MTF1: variants seen among roughly 807,000 people sequenced by gnomAD.
MTF1 encodes the protein metal regulatory transcription factor 1.
MTF1 carries 22 observed loss-of-function variants against 70.4 expected under a neutral mutation model. The observed-to-expected ratio is 0.31, with a 90% CI of 0.22 to 0.45. MTF1 has a LOEUF of 0.45. MTF1 is among the 20% of genes least tolerant of loss of function. The pLI, the probability that MTF1 is intolerant of heterozygous loss-of-function variation, is 1.00. For missense variants in MTF1, 649 were observed against 922.0 expected (o/e 0.70, Z 3.83); for synonymous variants, 333 against 352.8 (o/e 0.94, Z 0.63).
rs1641322852 is a variant in MTF1, at chr1:37,845,787, T to C, written c.409-5629A>G. Among the ~76,000 whole-genome samples the C allele has an allele frequency of 3.3e-5, 5 of 152,302 alleles. No individual in the cohort carries two copies. In the South Asian group the frequency reaches 1.0e-3, roughly 32 times the overall value. ...TCCCAGAGTATTGGAATTACAGGTATGAGCCACCACACCCGGCCTGAAAAT... is the reference window on the plus strand; with the variant it reads ...TCCCAGAGTATTGGAATTACAGGTACGAGCCACCACACCCGGCCTGAAAAT... On this transcript the variant is annotated intron_variant, in intron 2 of 10. Transcript: ENST00000373036.
intron 7 of MTF1, among the ~76,000 whole-genome samples, chr1:37,824,184 T>A (rs549588649): frequency 3.0e-4 from 46 of 152,292 alleles, no homozygotes; most frequent in African/African-American, 1.0e-3. Flanking sequence ...ACACTATGAC[T>A]TGCCAGTTGA....
chr1:37,827,658 G>A (rs1228475484), intron 7 of MTF1, among the ~76,000 whole-genome samples: 7 of 151,854 alleles, frequency 4.6e-5, no homozygotes, highest in Non-Finnish European at 4.4e-5. Flanking sequence ...CACCCTCCTC[G>A]GCCTCCCAAA....
intron 2 of MTF1, among the ~76,000 whole-genome samples, chr1:37,849,580 T>C (rs1425094287): frequency 6.6e-6 from 1 of 152,198 alleles, no homozygotes; most frequent in Non-Finnish European, 1.5e-5. Context: ...AACTACTCTA[T>C]AGAAAACTGG....
chr1:37,814,911 T>C lies in MTF1; in HGVS notation c.*225A>G, dbSNP rs1475272784. 1.1e-5 allele frequency: 6 copies of C among 534,966 alleles called. No individual in the cohort carries two copies. The highest frequency in any genetic ancestry group is 3.3e-6 in the Non-Finnish European group (1 of 302,042). 33.1% of individuals were successfully genotyped at this position (534,966 alleles called of 1,614,324 possible). A position where few individuals can be genotyped will look rare whatever the true frequency, so the allele number is the denominator to read the frequency against. On this transcript the variant is annotated 3_prime_UTR_variant, in exon 11 of 11. Coordinates refer to ENST00000373036, the MANE Select transcript of MTF1 (RefSeq NM_005955.3). ...ACAGTGCAGCCAAACAGTTCACTTATAACTTAGCTTTTTTTGTTGTTTTTT... is the reference window on the plus strand; with the variant it reads ...ACAGTGCAGCCAAACAGTTCACTTACAACTTAGCTTTTTTTGTTGTTTTTT...
intron 4 of MTF1, among the ~76,000 whole-genome samples, chr1:37,836,923 T>C (rs1641178311): frequency 7.5e-6 from 1 of 132,930 alleles, no homozygotes; most frequent in Non-Finnish European, 1.6e-5. Context: ...CAGAGTCCTC[T>C]CAGCAGCCTA....
At chr1:37,822,016 C>T (rs1003829132) in intron 9 of MTF1, 105 bp downstream of exon 9, 19 of 853,084 alleles carry the variant, frequency 2.2e-5, no homozygotes, top group South Asian at 3.8e-5. Flanking sequence ...ACATGTTTCA[C>T]GGTGGATATG....
chr1:37,834,944 A>T, intron 6 of MTF1, 135 bp downstream of exon 6: 1 of 892,432 alleles, frequency 1.1e-6, no homozygotes, highest in Non-Finnish European at 1.8e-6. Flanking sequence ...ACAAGTCAAG[A>T]CACTGATCTT....
chr1:37,810,916 T>C lies in MTF1; in HGVS notation c.*4220A>G, dbSNP rs1353799180. ...TGGGGAGCAGTATGGAAATGGCTCA[T>C]GTTGCCCCCTGCCACCCATGCCTCC... On this transcript the variant is annotated 3_prime_UTR_variant, in exon 11 of 11. Transcript: ENST00000373036. 6.6e-6 allele frequency: 1 copy of C among 152,434 alleles called. No homozygotes were observed. Among genetic ancestry groups the C allele is most frequent in the African/African-American group, 2.4e-5 (1 of 41,454 alleles). The allele number at this position is 152,434 out of a possible 1,614,324, so 9.4% of individuals were successfully genotyped here.
At chr1:37,836,527 A>G (rs1401704393) in intron 4 of MTF1, among the ~76,000 whole-genome samples, 1 of 152,202 alleles carries the variant, frequency 6.6e-6, no homozygotes, top group Non-Finnish European at 1.5e-5. Flanking sequence ...CTGTCTTGAT[A>G]ACCAAAGCTA....
chr1:37,833,331 G>A (rs1412427372), intron 6 of MTF1, among the ~76,000 whole-genome samples: 1 of 152,196 alleles, frequency 6.6e-6, no homozygotes, highest in African/African-American at 2.4e-5. Flanking sequence ...CAGTGCTTCT[G>A]ACTGAAAAGT....
chr1:37,848,471 T>A lies in MTF1; in HGVS notation c.409-8313A>T, dbSNP rs554035779. Reference sequence around the variant, plus strand: ...TCACAGAAGAAACAAGTAAGCCTGATTTAAATATGAGGAGAAAAAAATAAA... The same window carrying A: ...TCACAGAAGAAACAAGTAAGCCTGAATTAAATATGAGGAGAAAAAAATAAA... On this transcript the variant is annotated intron_variant, in intron 2 of 10. Coordinates refer to ENST00000373036, the MANE Select transcript of MTF1 (RefSeq NM_005955.3). Among the ~76,000 whole-genome samples, 5 of 152,288 alleles carry A rather than the reference T, an allele frequency of 3.3e-5. No individual in the cohort carries two copies. In the East Asian group the frequency reaches 9.6e-4, roughly 29 times the overall value.
At chr1:37,853,260 A>G (rs551785115) in intron 2 of MTF1, among the ~76,000 whole-genome samples, 1 of 152,298 alleles carries the variant, frequency 6.6e-6, no homozygotes, top group African/African-American at 2.4e-5. Flanking sequence ...AGGAGAGTAC[A>G]GTTCAAAACC....
rs774954954 is a variant in MTF1 at position 37,840,207 on chromosome 1, G to A, written c.409-49C>T. On this transcript the variant is annotated intron_variant, in intron 2 of 10. Transcript: ENST00000373036. This position sits in a 1 kb window ranked among gnomAD's most constrained non-coding sequence, Gnocchi z 4.5. ...CAACAGGACAAAAATGCTGCCCAGGGCTTAACTCCCCCACCCAGAGCTCAG... is the reference window on the plus strand; with the variant it reads ...CAACAGGACAAAAATGCTGCCCAGGACTTAACTCCCCCACCCAGAGCTCAG... 8.5e-5 allele frequency: 132 copies of A among 1,545,932 alleles called. No individual in the cohort carries two copies. Among genetic ancestry groups the A allele is most frequent in the Non-Finnish European group, 1.1e-4 (127 of 1,120,470 alleles).
intron 7 of MTF1, among the ~76,000 whole-genome samples, chr1:37,825,497 A>G (rs992822193): frequency 6.6e-5 from 10 of 152,124 alleles, no homozygotes; most frequent in Non-Finnish European, 4.4e-5. Flanking sequence ...CCAGCCTCCC[A>G]AAGTGCTGGG....
At chr1:37,836,766 TTTTA>T in intron 4 of MTF1, among the ~76,000 whole-genome samples, 1 of 152,342 alleles carries the variant, frequency 6.6e-6, no homozygotes, top group Non-Finnish European at 1.5e-5. Context: ...AACCAAAATA[TTTTA>T]TTTCTTTAAA....
intron 2 of MTF1, among the ~76,000 whole-genome samples, chr1:37,848,817 C>A (rs1641371652): frequency 6.6e-6 from 1 of 152,188 alleles, no homozygotes. Flanking sequence ...AGAAGGGAAC[C>A]TGCAAAGAAA....
intron 4 of MTF1, 38 bp from the exon 5 acceptor site, chr1:37,835,782 C>A: frequency 6.6e-7 from 1 of 1,520,474 alleles, no homozygotes; most frequent in Non-Finnish European, 9.1e-7. Context: ...GAGTCATTAG[C>A]TAATAGATCT....
intron 4 of MTF1, among the ~76,000 whole-genome samples, chr1:37,838,236 T>G (rs897940002): frequency 1.3e-5 from 2 of 152,260 alleles, no homozygotes; most frequent in Non-Finnish European, 2.9e-5. Context: ...TAAGGCACTT[T>G]GGCCATCTTG....
rs1281105778 is a variant in MTF1, at chr1:37,840,058, A to G, written c.509T>C (p.Phe170Ser). The G allele has an allele frequency of 6.2e-7, 1 of 1,614,146 alleles. No homozygotes were observed. The highest frequency in any genetic ancestry group is 8.5e-7 in the Non-Finnish European group (1 of 1,180,056). ...GCCACAGCCCTCCTGATTACAGACA[A>G]AGGTGTACTCTCCTCGGTGAGTCTT... ...HQKTHRGEYT[F>S]VCNQEGCGKA... Residue 170 changes from phenylalanine to serine, a missense_variant, in exon 3 of 11, where the codon TTT becomes TCT. Physicochemically the swap from Phe to Ser is radical, Grantham distance 155. This residue lies in a region of MTF1 where 118 missense variants were observed against 287.2 expected (regional missense o/e 0.41). Transcript: ENST00000373036. The surrounding 1 kb of genome is among the most constrained non-coding windows in gnomAD (Gnocchi z 4.5).
Sources: allele counts gnomAD v4.1 joint callset (sites outside exome capture counted in the v4.1 genomes callset), GRCh38; gene constraint gnomAD v4.1.1; regional missense constraint gnomAD v4.1.1; non-coding constraint Gnocchi (gnomAD v3.1); transcripts MANE v1.5; gene names NCBI Gene and HGNC (gene_info 2026-07-23, HGNC 2026-07-21).